Variants in VAC14 observed in about 807,000 individuals in gnomAD.
VAC14 encodes the protein VAC14 component of PIKFYVE complex.
In VAC14, 47 loss-of-function variants were observed where a neutral mutation model predicts 85.3. The observed-to-expected ratio is 0.55, with a 90% CI of 0.44 to 0.70. The LOEUF (loss-of-function observed/expected upper bound fraction) is 0.70, where lower values mean the gene tolerates loss of function less well. VAC14 is among the 30% of genes least tolerant of loss of function. The pLI is 0.00. For synonymous variants in VAC14, 447 were observed against 430.5 expected (o/e 1.04, Z -0.47); for missense variants, 861 against 1,004.3 (o/e 0.86, Z 1.93).
chr16:70,798,055 C>T (rs1280863088), intron 1 of VAC14, among the ~76,000 whole-genome samples: 3 of 152,198 alleles, frequency 2.0e-5, no homozygotes, highest in Non-Finnish European at 4.4e-5. Flanking sequence ...ACAACATTAG[C>T]TCAAACAACT....
chr16:70,755,896 T>A (rs2031804612), intron 12 of VAC14: 1 of 408,856 alleles, frequency 2.4e-6, no homozygotes, highest in African/African-American at 2.0e-5. Flanking sequence ...CCTGGGAACC[T>A]AGGGGCACTC....
chr16:70,741,519 C>A (rs1049067349), intron 13 of VAC14, among the ~76,000 whole-genome samples: 4 of 152,216 alleles, frequency 2.6e-5, no homozygotes, highest in Non-Finnish European at 5.9e-5. Flanking sequence ...CATGTGCACA[C>A]ACATGGATCT....
chr16:70,746,437 G>A (rs1224096966), intron 12 of VAC14, among the ~76,000 whole-genome samples: 1 of 152,206 alleles, frequency 6.6e-6, no homozygotes, highest in Non-Finnish European at 1.5e-5. Context: ...TGGGTTCTGG[G>A]GCTGTAAAGG....
At chr16:70,798,011 A>G (rs1381754855) in intron 1 of VAC14, among the ~76,000 whole-genome samples, 2 of 152,256 alleles carry the variant, frequency 1.3e-5, no homozygotes, top group African/African-American at 2.4e-5. Context: ...GTATTTGTTT[A>G]TAGCAGAGCA....
intron 15 of VAC14, 55 bp downstream of exon 15, chr16:70,698,582 T>C (rs1445671549): frequency 2.5e-6 from 4 of 1,603,866 alleles, no homozygotes; most frequent in Admixed American, 1.7e-5. Context: ...TCACACAGGG[T>C]GTGCCCCCTG....
intron 14 of VAC14, among the ~76,000 whole-genome samples, chr16:70,725,322 G>T (rs1472414436): frequency 6.6e-6 from 1 of 152,242 alleles, no homozygotes; most frequent in South Asian, 2.1e-4. Flanking sequence ...CAGACGGCCG[G>T]TGGCCTTGGA....
intron 12 of VAC14, among the ~76,000 whole-genome samples, chr16:70,745,629 C>T (rs1371213264): frequency 6.6e-6 from 1 of 152,244 alleles, no homozygotes; most frequent in Non-Finnish European, 1.5e-5. Flanking sequence ...CCTCACACTG[C>T]AGGTGGTCGC....
intron 15 of VAC14, among the ~76,000 whole-genome samples, chr16:70,697,858 C>T (rs1390917005): frequency 6.6e-6 from 1 of 152,182 alleles, no homozygotes; most frequent in African/African-American, 2.4e-5. Context: ...CAGACATGGG[C>T]CTGGATATCC....
At chr16:70,799,109 C>A (rs1331316781) in intron 1 of VAC14, among the ~76,000 whole-genome samples, 1 of 152,224 alleles carries the variant, frequency 6.6e-6, no homozygotes, top group African/African-American at 2.4e-5. Flanking sequence ...ATGAATACCT[C>A]TCTCTTCAAG....
intron 3 of VAC14, 31 bp from the exon 4 acceptor site, chr16:70,784,869 A>G: frequency 2.5e-6 from 4 of 1,605,096 alleles, no homozygotes; most frequent in Non-Finnish European, 3.4e-6. Flanking sequence ...GGAGGGACAC[A>G]GAGGCGAGGG....
intron 9 of VAC14, among the ~76,000 whole-genome samples, chr16:70,775,398 C>T (rs528176357): frequency 3.3e-5 from 5 of 152,318 alleles, no homozygotes; most frequent in African/African-American, 9.6e-5. Context: ...TAAACATAAA[C>T]GGGATCACAA....
intron 10 of VAC14, 71 bp from the exon 11 acceptor site, chr16:70,763,096 C>G (rs2032537065): frequency 1.9e-6 from 3 of 1,598,154 alleles, no homozygotes; most frequent in South Asian, 2.3e-5. Flanking sequence ...GTCATGGCAC[C>G]ACCCTGGGCC....
chr16:70,707,829 G>A (rs568855667), intron 14 of VAC14, among the ~76,000 whole-genome samples: 2 of 149,658 alleles, frequency 1.3e-5, no homozygotes, highest in African/African-American at 2.5e-5. Context: ...ATGGAGTCTC[G>A]CTCTGTCATC....
chr16:70,784,941 C>T (rs2033979457), intron 3 of VAC14, 103 bp from the exon 4 acceptor site: 1 of 976,142 alleles, frequency 1.0e-6, no homozygotes, highest in Non-Finnish European at 1.7e-6. Context: ...TTGGTGCAGC[C>T]CAGAACATCT....
At chr16:70,782,198 A>G (rs1021515741) in intron 7 of VAC14, among the ~76,000 whole-genome samples, 195 bp from the exon 8 acceptor site, 3 of 152,196 alleles carry the variant, frequency 2.0e-5, no homozygotes, top group Non-Finnish European at 2.9e-5. Context: ...CGGAGCAACA[A>G]TCCTGTGCTA....
chr16:70,752,837 T>C (rs535687111), intron 12 of VAC14, among the ~76,000 whole-genome samples: 1 of 152,202 alleles, frequency 6.6e-6, no homozygotes, highest in African/African-American at 2.4e-5. Context: ...ATTTGTTCAC[T>C]TTCTCAGAGG....
At chr16:70,722,050 C>A (rs986325576) in intron 14 of VAC14, among the ~76,000 whole-genome samples, 7 of 152,210 alleles carry the variant, frequency 4.6e-5, no homozygotes, top group Admixed American at 4.6e-4. Flanking sequence ...GGGACGAGGG[C>A]AGATGCTCAG....
intron 1 of VAC14, among the ~76,000 whole-genome samples, chr16:70,787,430 C>A (rs568803548): frequency 6.6e-6 from 1 of 152,272 alleles, no homozygotes; most frequent in South Asian, 2.1e-4. Context: ...CGGAGGGAGG[C>A]TGCCCTCATG....
chr16:70,766,272 C>T (rs899511964), intron 10 of VAC14, among the ~76,000 whole-genome samples: 4 of 152,226 alleles, frequency 2.6e-5, no homozygotes, highest in African/African-American at 2.4e-5. Context: ...GTTGGCCCCT[C>T]GGCAAGCTGA....
Sources: allele counts gnomAD v4.1 joint callset (sites outside exome capture counted in the v4.1 genomes callset), GRCh38; gene constraint gnomAD v4.1.1; transcripts MANE v1.5; gene names NCBI Gene and HGNC (gene_info 2026-07-23, HGNC 2026-07-21).